Variants in SHOX observed in about 807,000 individuals in gnomAD.
The protein encoded by SHOX is SHOX homeobox.
Under a neutral mutation model 29.6 loss-of-function variants are expected in SHOX, and 12 were observed. The ratio of observed to expected loss-of-function variants is 0.41; its 90% CI spans 0.26 to 0.66. The LOEUF is 0.66. Among genes scored for constraint, SHOX ranks in the 30% least tolerant of loss-of-function variants. The pLI, the probability that SHOX is intolerant of heterozygous loss-of-function variation, is 0.35. For synonymous variants in SHOX, 214 were observed against 200.6 expected (o/e 1.07, Z -0.57); for missense variants, 499 against 437.7 (o/e 1.14, Z -1.25).
chrX:627,896 G>C (rs2052566998), upstream of SHOX, among the ~76,000 whole-genome samples: 1 of 152,194 alleles, frequency 6.6e-6, no homozygotes, highest in East Asian at 1.9e-4. Context: ...GAGACAGTGA[G>C]CAGCTGTGAG....
At chrX:636,970 A>ATATATATATATT (rs1458275715) in intron 2 of SHOX, among the ~76,000 whole-genome samples, 1 of 137,330 alleles carries the variant, frequency 7.3e-6, no homozygotes, top group African/African-American at 2.8e-5. Context: ...ATATATATAT[A>ATATATATATATT]TTTTGGCTCC....
intron 2 of SHOX, among the ~76,000 whole-genome samples, chrX:638,603 A>G (rs1322488118): frequency 6.6e-6 from 1 of 152,102 alleles, no homozygotes; most frequent in Non-Finnish European, 1.5e-5. Flanking sequence ...GCCCGGTAGG[A>G]CCCACTTTGG....
upstream of SHOX, among the ~76,000 whole-genome samples, chrX:629,520 CCT>C (rs1352641763): frequency 6.7e-6 from 1 of 149,020 alleles, no homozygotes; most frequent in Admixed American, 6.7e-5. Context: ...TCTCTCTCTC[CCT>C]GTCTCTCTCT....
intron 4 of SHOX, among the ~76,000 whole-genome samples, chrX:642,759 G>GACCTGGTGTCCCGGGAGAGGCTTGGGT (rs1262777097): frequency 1.3e-5 from 2 of 151,946 alleles, no homozygotes; most frequent in African/African-American, 4.8e-5. Context: ...GAGGCTTGGG[G>GACCTGGTGTCCCGGGAGAGGCTTGGGT]ACCTGGTGTC....
rs2053005222 is a variant in SHOX at position 648,912 on chromosome X, C to CTT, written c.*4278_*4279dup. Among the ~76,000 whole-genome samples the CTT allele has an allele frequency of 6.9e-6, 1 of 145,038 alleles. No individual in the cohort carries two copies. The highest frequency in any genetic ancestry group is 7.0e-5 in the Admixed American group (1 of 14,268). On this transcript the variant is annotated 3_prime_UTR_variant, in exon 5 of 5. Transcript: ENST00000686671. Reference sequence around the variant, plus strand: ...TTCTCCTTCCTTCCTTCCTTCCTTTCTTTCTTTTTCTTTCTTTCTCTCTTT... The same window carrying CTT: ...TTCTCCTTCCTTCCTTCCTTCCTTTCTTTTTCTTTTTCTTTCTTTCTCTCTTT...
rs1231155768 is a variant in SHOX at position 634,913 on chromosome X, GGGC to G, written c.486+88_486+90del. ...AGCACGCGTACAGCCACCTGCGCCC[GGGC>G]CGCCGCCGTCCCCTTCCCGGAGCGC... is the stretch of plus-strand genomic sequence containing the variant. On this transcript the variant is annotated intron_variant, in intron 2 of 4. Coordinates refer to ENST00000686671, the MANE Select transcript of SHOX (RefSeq NM_000451.4). 17 of 1,396,146 alleles carry G rather than the reference GGGC, an allele frequency of 1.2e-5. No homozygotes were observed. In the African/African-American group the frequency reaches 2.0e-4, roughly 16 times the overall value. The allele number at this position is 1,396,146 out of a possible 1,614,324, so 86.5% of individuals were successfully genotyped here. A position where few individuals can be genotyped will look rare whatever the true frequency, so the allele number is the denominator to read the frequency against.
Position 624,909 on chromosome X carries a change from C to CCTTT in SHOX, c.-433+328_-433+331dup, listed in dbSNP as rs201032866. ...TTCTTTCTTTCTTTCTTTCTCTCTTCCTTTCTTTCTTTCTTTCTTTCTTTT... is the reference window on the plus strand; with the variant it reads ...TTCTTTCTTTCTTTCTTTCTCTCTTCCTTTCTTTCTTTCTTTCTTTCTTTCTTTT... On this transcript the variant is annotated intron_variant, in intron 1 of 5. Transcript: ENST00000334060. 4.7e-3 allele frequency among the ~76,000 whole-genome samples: 184 copies of CCTTT among 38,928 alleles called. 1 individual carries two copies. Among genetic ancestry groups the CCTTT allele is most frequent in the South Asian group, 8.1e-3 (7 of 866 alleles). The allele number at this position is 38,928 out of a possible 152,430, so 25.5% of individuals were successfully genotyped here.
At chrX:642,329 G>T (rs1204543812) in intron 4 of SHOX, among the ~76,000 whole-genome samples, 1 of 151,998 alleles carries the variant, frequency 6.6e-6, no homozygotes, top group Non-Finnish European at 1.5e-5. Flanking sequence ...GGGCGGACGC[G>T]TGGCCTCCCT....
rs780588714 is a variant in SHOX, at chrX:634,620, A to T, written c.280A>T (p.Ile94Phe). The T allele has an allele frequency of 6.2e-7, 1 of 1,613,568 alleles. No individual in the cohort carries two copies. The highest frequency in any genetic ancestry group is 2.2e-5 in the East Asian group (1 of 44,870). The change falls in exon 2 of 5, where the codon ATT becomes TTT. Residue 94 changes from isoleucine (I) to phenylalanine (F), a missense_variant and splice_region_variant. Physicochemically the swap from Ile to Phe is conservative, Grantham distance 21. Coordinates refer to ENST00000686671, the MANE Select transcript of SHOX (RefSeq NM_000451.4). ...EFGTARVAEG[I>F]YECKEKREDV... ...TGTGCCCTCCGCTCCCCACGCAGGGATTTATGAATGCAAAGAGAAGCGCGA... is the reference window on the plus strand; with the variant it reads ...TGTGCCCTCCGCTCCCCACGCAGGGTTTTATGAATGCAAAGAGAAGCGCGA...
In SHOX at chrX:644,807, G is replaced by A; in HGVS notation, c.*171G>A. 4 of 867,504 alleles carry A rather than the reference G, an allele frequency of 4.6e-6. No individual in the cohort carries two copies. The highest frequency in any genetic ancestry group is 6.4e-6 in the Non-Finnish European group (4 of 627,996). 53.7% of individuals were successfully genotyped at this position (867,504 alleles called of 1,614,324 possible). On this transcript the variant is annotated 3_prime_UTR_variant, in exon 5 of 5. Coordinates refer to ENST00000686671, the MANE Select transcript of SHOX (RefSeq NM_000451.4). The stretch of plus-strand genomic sequence containing the variant: ...GAGGGAGGCTCCCGGGACCGTCCAC[G>A]CACGACCCAGCCAGACCCTCGCGGA...
At chrX:636,392 T>G (rs868045498) in intron 2 of SHOX, among the ~76,000 whole-genome samples, 2 of 115,186 alleles carry the variant, frequency 1.7e-5, no homozygotes, top group African/African-American at 7.3e-5. Flanking sequence ...TGTATATATA[T>G]AAATATATAT....
At chrX:632,618 G>A (rs1185056505) in intron 1 of SHOX, among the ~76,000 whole-genome samples, 4 of 152,176 alleles carry the variant, frequency 2.6e-5, no homozygotes, top group Non-Finnish European at 4.4e-5. Flanking sequence ...GTATTCGTAG[G>A]AGGCACCAGG....
intron 1 of SHOX, among the ~76,000 whole-genome samples, chrX:633,466 C>G (rs1200261732): frequency 7.4e-6 from 1 of 134,572 alleles, no homozygotes; most frequent in East Asian, 2.5e-4. Context: ...GCGTCCAGCG[C>G]TGAATGTAGC....
rs1365989267 is a variant in SHOX, at chrX:631,173, A to C, written c.276A>C (p.Glu92Asp). Residue 92 changes from glutamate to aspartate, a missense_variant and splice_region_variant, in exon 1 of 5, where the codon GAA becomes GAC. Coordinates refer to ENST00000686671, the MANE Select transcript of SHOX (RefSeq NM_000451.4). ...AATTCGGCACCGCGAGAGTGGCAGA[A>C]GGTAAGTTCCTTTGCGCTCCGGCTC... Reference protein sequence around the residue: ...LKEFGTARVAEGIYECKEKRE... With the variant: ...LKEFGTARVADGIYECKEKRE... 6.2e-7 allele frequency: 1 copy of C among 1,612,598 alleles called. No individual in the cohort carries two copies. Among genetic ancestry groups the C allele is most frequent in the South Asian group, 1.1e-5 (1 of 91,064 alleles).
rs1242043993 is a variant in SHOX at position 636,604 on chromosome X, AT to A, written c.486+1779del. Among the ~76,000 whole-genome samples the A allele has an allele frequency of 1.9e-4, 3 of 15,960 alleles. 1 individual carries two copies. In the African/African-American group the frequency reaches 3.2e-3, roughly 17 times the overall value. The allele number at this position is 15,960 out of a possible 152,430, so 10.5% of individuals were successfully genotyped here. On this transcript the variant is annotated intron_variant, in intron 2 of 4. Coordinates refer to ENST00000686671, the MANE Select transcript of SHOX (RefSeq NM_000451.4). ...ATATATAAACATATATACATATAAA[AT>A]ATACATATATAAACATATATATACA... is the stretch of plus-strand genomic sequence containing the variant.
intron 5 of SHOX, among the ~76,000 whole-genome samples, chrX:657,155 C>A (rs1282469500): frequency 6.6e-5 from 10 of 152,174 alleles, no homozygotes; most frequent in Admixed American, 2.0e-4. Context: ...GAGCAAGCCT[C>A]AGCTTTCTGC....
chrX:645,473 G>A lies in SHOX; in HGVS notation c.*837G>A, dbSNP rs2052951317. On this transcript the variant is annotated 3_prime_UTR_variant, in exon 5 of 5. Coordinates refer to ENST00000686671, the MANE Select transcript of SHOX (RefSeq NM_000451.4). The stretch of plus-strand genomic sequence containing the variant: ...AAAGACTTGCATAAGAGACGGACGC[G>A]TGGTTGCAAGGTGTCATACTGATAT... 7.1e-6 allele frequency: 1 copy of A among 140,146 alleles called. No homozygotes were observed. Among genetic ancestry groups the A allele is most frequent in the Non-Finnish European group, 1.5e-5 (1 of 66,302 alleles). 8.7% of individuals were successfully genotyped at this position (140,146 alleles called of 1,614,324 possible). A position where few individuals can be genotyped will look rare whatever the true frequency, so the allele number is the denominator to read the frequency against.
Position 644,429 on chromosome X carries a change from G to A in SHOX, c.672G>A (p.Ala224=), listed in dbSNP as rs1157396980. The A allele has an allele frequency of 3.3e-6, 5 of 1,520,194 alleles. No individual in the cohort carries two copies. The highest frequency in any genetic ancestry group is 1.4e-5 in the African/African-American group (1 of 70,146). 94.2% of individuals were successfully genotyped at this position (1,520,194 alleles called of 1,614,324 possible). The change falls in exon 5 of 5, where the codon GCG becomes GCA. Residue 224 remains alanine (A), a synonymous_variant. Coordinates refer to ENST00000686671, the MANE Select transcript of SHOX (RefSeq NM_000451.4). Reference sequence around the variant, plus strand: ...TGCAGCTGGAAGGCGTGGCCCACGCGCACCCGCACCTGCACCCGCACCTGG... The same window carrying A: ...TGCAGCTGGAAGGCGTGGCCCACGCACACCCGCACCTGCACCCGCACCTGG... The part of the protein sequence containing the change: ...AQLQLEGVAH[A]HPHLHPHLAA...
intron 1 of SHOX, among the ~76,000 whole-genome samples, chrX:634,197 G>A (rs998470314): frequency 2.0e-5 from 3 of 152,186 alleles, no homozygotes; most frequent in South Asian, 2.1e-4. Context: ...CTCTCCGTAG[G>A]CCTAGAATCT....
Sources: gnomAD v4.1 joint callset for allele counts (sites outside exome capture counted in the v4.1 genomes callset) on GRCh38, gnomAD v4.1.1 for gene constraint, MANE v1.5 for transcripts, NCBI Gene and HGNC (gene_info 2026-07-23, HGNC 2026-07-21) for gene names.